The following DPY19L4 variants were observed in gnomAD, a reference collection of about 807,000 sequenced individuals.
The protein encoded by DPY19L4 is probable C-mannosyltransferase DPY19L4.
Under a neutral mutation model 102.8 loss-of-function variants are expected in DPY19L4, and 97 were observed. The ratio of observed to expected loss-of-function variants is 0.94; its 90% CI spans 0.80 to 1.12. The LOEUF (loss-of-function observed/expected upper bound fraction) is 1.12. Ranked by LOEUF, DPY19L4 falls within the 50% of genes most tolerant of loss-of-function variation. The pLI is 0.00. For synonymous variants in DPY19L4, 252 were observed against 283.1 expected, an observed-to-expected ratio of 0.89 and a Z score of 1.10; for missense variants, 815 against 850.4, an observed-to-expected ratio of 0.96 and a Z score of 0.52.
chr8:94,738,228 G>C (rs1811274107), intron 3 of DPY19L4, 141 bp from the exon 4 acceptor site: 1 of 211,982 alleles, frequency 4.7e-6, no homozygotes, highest in Non-Finnish European at 9.6e-6. Flanking sequence ...TGAGGCAGGA[G>C]AAATGGCATG....
At chr8:94,725,376 C>A (rs529074955) in intron 1 of DPY19L4, among the ~76,000 whole-genome samples, 1 of 152,310 alleles carries the variant, frequency 6.6e-6, no homozygotes, top group African/African-American at 2.4e-5. Flanking sequence ...CATTCCTGTT[C>A]ATCTTGGAGT....
At chr8:94,765,335 ATTG>A (rs1339409523) in intron 9 of DPY19L4, 21 bp downstream of exon 9, 3 of 1,578,898 alleles carry the variant, frequency 1.9e-6, no homozygotes, top group African/African-American at 2.8e-5. Context: ...TTATCTTTTT[ATTG>A]TTCTTATTTT....
At position 94,789,888 on chromosome 8, in the gene DPY19L4, C is replaced by T; in HGVS notation, c.2150C>T (p.Thr717Ile). ...NRSYFVYKIN[T>I]VISFQS ...TCCTACTTTGTATATAAAATCAACA[C>T]TGTGATATCCTTCCAGTCTTGAAAA... The change falls in exon 19 of 19, where the codon ACT becomes ATT. Residue 717 changes from threonine (T) to isoleucine (I), a missense_variant. Thr to Ile is a moderately conservative substitution (Grantham distance 89). Coordinates refer to ENST00000414645, the MANE Select transcript of DPY19L4 (RefSeq NM_181787.3). 1 of 1,597,252 alleles carries T rather than the reference C, an allele frequency of 6.3e-7. No individual in the cohort carries two copies. Among genetic ancestry groups the T allele is most frequent in the Non-Finnish European group, 8.5e-7 (1 of 1,175,420 alleles).
chr8:94,783,996 T>G (rs1421844444), intron 17 of DPY19L4, among the ~76,000 whole-genome samples, 194 bp downstream of exon 17: 1 of 152,238 alleles, frequency 6.6e-6, no homozygotes. Context: ...ATTAAAATAC[T>G]AAGTTCTTTG....
At chr8:94,771,147 C>T (rs1372492508) in intron 13 of DPY19L4, among the ~76,000 whole-genome samples, 1 of 152,082 alleles carries the variant, frequency 6.6e-6, no homozygotes, top group African/African-American at 2.4e-5. Flanking sequence ...GAACTCCTCA[C>T]CTCGTTATCT....
At chr8:94,769,606 A>G (rs1812833396) in intron 12 of DPY19L4, among the ~76,000 whole-genome samples, 1 of 151,940 alleles carries the variant, frequency 6.6e-6, no homozygotes, top group South Asian at 2.1e-4. Flanking sequence ...AATTCCAACA[A>G]TTTGAGAGGC....
At chr8:94,736,983 A>C (rs1360886419) in intron 3 of DPY19L4, among the ~76,000 whole-genome samples, 2 of 152,176 alleles carry the variant, frequency 1.3e-5, no homozygotes, top group Non-Finnish European at 2.9e-5. Context: ...ACAAGTGATG[A>C]CTTGTGATTT....
chr8:94,731,481 A>G (rs1333497389), intron 2 of DPY19L4, among the ~76,000 whole-genome samples: 1 of 152,076 alleles, frequency 6.6e-6, no homozygotes, highest in Non-Finnish European at 1.5e-5. Flanking sequence ...CACTGGTGTG[A>G]TCTCAGCTCA....
intron 12 of DPY19L4, among the ~76,000 whole-genome samples, chr8:94,770,011 C>T (rs981279504): frequency 2.6e-4 from 40 of 151,638 alleles, no homozygotes; most frequent in African/African-American, 7.3e-4. Flanking sequence ...CCTCAACCTC[C>T]GGAGTAGCTA....
rs1810430108 is a variant in DPY19L4, at chr8:94,720,966, A to G, written c.16+952A>G. Among the ~76,000 whole-genome samples, 8 of 151,332 alleles carry G rather than the reference A, an allele frequency of 5.3e-5. No individual in the cohort carries two copies. In the South Asian group the frequency reaches 1.5e-3, roughly 28 times the overall value. ...GCCCCCCTGCCTTTTTTTTTTTTGA[A>G]ACGGAGTTTCGTTCTTGTTGCCCAG... On this transcript the variant is annotated intron_variant, in intron 1 of 18. Coordinates refer to ENST00000414645, the MANE Select transcript of DPY19L4 (RefSeq NM_181787.3).
intron 6 of DPY19L4, among the ~76,000 whole-genome samples, chr8:94,754,746 A>G (rs1227686053): frequency 1.3e-5 from 2 of 152,166 alleles, no homozygotes; most frequent in African/African-American, 4.8e-5. Context: ...ATGAAAATTG[A>G]TTGAGGAGAA....
intron 6 of DPY19L4, among the ~76,000 whole-genome samples, chr8:94,744,005 C>A (rs1236023410): frequency 1.3e-5 from 2 of 152,076 alleles, no homozygotes; most frequent in Non-Finnish European, 2.9e-5. Context: ...GAGTCTGTTT[C>A]AAAATAAATA....
chr8:94,733,781 A>G (rs1811073684), intron 2 of DPY19L4, among the ~76,000 whole-genome samples: 1 of 152,020 alleles, frequency 6.6e-6, no homozygotes, highest in Non-Finnish European at 1.5e-5. Flanking sequence ...ACTTCAGGTG[A>G]TCCACCCACC....
At chr8:94,773,421 T>C (rs184662730) in intron 13 of DPY19L4, among the ~76,000 whole-genome samples, 1 of 152,172 alleles carries the variant, frequency 6.6e-6, no homozygotes, top group East Asian at 1.9e-4. Context: ...AAGATTATTA[T>C]ATTTAAGTTT....
At chr8:94,732,807 C>CTTTTTTT (rs1271820671) in intron 2 of DPY19L4, among the ~76,000 whole-genome samples, 1 of 87,726 alleles carries the variant, frequency 1.1e-5, no homozygotes. Context: ...TTTTCTTTTT[C>CTTTTTTT]TTTCTTTTTT....
intron 7 of DPY19L4, among the ~76,000 whole-genome samples, chr8:94,760,475 A>G (rs1344792114): frequency 6.6e-6 from 1 of 152,206 alleles, no homozygotes; most frequent in African/African-American, 2.4e-5. Flanking sequence ...TATTTGCCCA[A>G]CAGGTGGAAG....
intron 6 of DPY19L4, among the ~76,000 whole-genome samples, chr8:94,751,110 T>TTTTC (rs766867022): frequency 5.9e-5 from 8 of 135,772 alleles, no homozygotes; most frequent in Non-Finnish European, 8.1e-5. Context: ...TACCTCCCTC[T>TTTTC]TTTCTTTCTT....
chr8:94,720,271 G>A, intron 1 of DPY19L4: 8 of 985,190 alleles, frequency 8.1e-6, no homozygotes, highest in Non-Finnish European at 9.6e-6. Flanking sequence ...TAGCAAGAGA[G>A]AAAGCTGTGC....
intron 12 of DPY19L4, among the ~76,000 whole-genome samples, chr8:94,769,054 G>GTTTTTTTTTTTTTTT (rs1184803488): frequency 7.2e-6 from 1 of 138,382 alleles, no homozygotes; most frequent in Non-Finnish European, 1.6e-5. Flanking sequence ...TTTAAACTTA[G>GTTTTTTTTTTTTTTT]TTTTTTTGTT....
Sources: allele counts gnomAD v4.1 joint callset (sites outside exome capture counted in the v4.1 genomes callset), GRCh38; gene constraint gnomAD v4.1.1; transcripts MANE v1.5; gene names NCBI Gene and HGNC (gene_info 2026-07-23, HGNC 2026-07-21).